The following SOX6 variants were observed in gnomAD, a reference collection of about 807,000 sequenced individuals.
The protein encoded by SOX6 is SRY-box transcription factor 6.
A neutral mutation model predicts 97.8 loss-of-function variants in SOX6; 11 were observed. That is an observed-to-expected ratio of 0.11 (90% CI 0.07 to 0.19). The LOEUF is 0.19. SOX6 is among the 10% of genes least tolerant of loss of function. The pLI, the probability that SOX6 is intolerant of heterozygous loss-of-function variation, is 1.00. For synonymous variants in SOX6, 360 were observed against 371.4 expected (o/e 0.97, Z 0.35); for missense variants, 810 against 1,039.5 (o/e 0.78, Z 3.04).
At chr11:16,296,563 C>T (rs1486743925) in intron 3 of SOX6, among the ~76,000 whole-genome samples, 1 of 152,114 alleles carries the variant, frequency 6.6e-6, no homozygotes, top group East Asian at 1.9e-4. Flanking sequence ...TTATGTGTAG[C>T]TCACTGTTTA....
rs1251556031 is a variant in SOX6 at position 15,968,163 on chromosome 11, A to T, written c.*4646T>A. The T allele has an allele frequency of 6.6e-6, 1 of 152,208 alleles. No individual in the cohort carries two copies. Among genetic ancestry groups the T allele is most frequent in the Non-Finnish European group, 1.5e-5 (1 of 68,040 alleles). 9.4% of individuals were successfully genotyped at this position (152,208 alleles called of 1,614,324 possible). A position where few individuals can be genotyped will look rare whatever the true frequency, so the allele number is the denominator to read the frequency against. On this transcript the variant is annotated 3_prime_UTR_variant, in exon 16 of 16. Coordinates refer to ENST00000683767, the MANE Select transcript of SOX6 (RefSeq NM_001367873.1). ...AGGGAGCAGATGACTTAAGGAAATG[A>T]TGCAAGTGCTTTTGTGAAAGGACAA... is the stretch of plus-strand genomic sequence containing the variant.
At chr11:16,283,089 G>GTATATATATATATATATATATATATATA (rs10581083) in intron 3 of SOX6, among the ~76,000 whole-genome samples, 20 of 113,678 alleles carry the variant, frequency 1.8e-4, no homozygotes, top group Non-Finnish European at 2.3e-4. Flanking sequence ...TATATAATTT[G>GTATATATATATATATATATATATATATA]TATATATATA....
At chr11:16,676,083 C>G (rs1847882290) in intron 3 of SOX6, among the ~76,000 whole-genome samples, 1 of 143,698 alleles carries the variant, frequency 7.0e-6, no homozygotes, top group Non-Finnish European at 1.6e-5. Flanking sequence ...TTCTGAGGCT[C>G]TGCTCATTTT....
intron 1 of SOX6, among the ~76,000 whole-genome samples, chr11:16,369,160 A>G (rs1033363446): frequency 6.6e-6 from 1 of 152,176 alleles, no homozygotes; most frequent in African/African-American, 2.4e-5. Context: ...TAGGCAAAGC[A>G]AATCAAAACA....
chr11:16,581,511 A>C (rs1042705291), intron 4 of SOX6, among the ~76,000 whole-genome samples: 1 of 152,176 alleles, frequency 6.6e-6, no homozygotes, highest in African/African-American at 2.4e-5. Flanking sequence ...CTTAAAACCT[A>C]GATGACAGGT....
At chr11:16,011,336 T>A (rs1424384002) in intron 13 of SOX6, among the ~76,000 whole-genome samples, 1 of 152,084 alleles carries the variant, frequency 6.6e-6, no homozygotes, top group Admixed American at 6.6e-5. Flanking sequence ...AACAAAACCT[T>A]AAACATGTTT....
intron 3 of SOX6, among the ~76,000 whole-genome samples, chr11:16,617,690 TTAGAAA>T (rs1461315910): frequency 1.3e-5 from 2 of 151,858 alleles, no homozygotes; most frequent in East Asian, 3.8e-4. Flanking sequence ...TTCTACCCGT[TTAGAAA>T]TAGAGTACGA....
intron 12 of SOX6, among the ~76,000 whole-genome samples, chr11:16,017,595 A>G: frequency 6.6e-6 from 1 of 152,116 alleles, no homozygotes; most frequent in East Asian, 1.9e-4. Flanking sequence ...CCTGATGTCT[A>G]CAAGTTACGT....
chr11:16,060,830 A>C (rs1847930200), intron 9 of SOX6, among the ~76,000 whole-genome samples: 1 of 151,888 alleles, frequency 6.6e-6, no homozygotes, highest in Non-Finnish European at 1.5e-5. Flanking sequence ...TCAGTATTTT[A>C]AACTTCATGT....
chr11:16,470,499 G>A (rs368281418), intron 1 of SOX6, among the ~76,000 whole-genome samples: 1 of 152,096 alleles, frequency 6.6e-6, no homozygotes, highest in Non-Finnish European at 1.5e-5. Flanking sequence ...ATGACATGTG[G>A]CAATTTTGGA....
At chr11:16,197,930 C>A (rs1851827086) in intron 4 of SOX6, among the ~76,000 whole-genome samples, 1 of 152,172 alleles carries the variant, frequency 6.6e-6, no homozygotes, top group Non-Finnish European at 1.5e-5. Flanking sequence ...TACATTTGTT[C>A]AACCTATAAA....
chr11:16,195,405 G>C (rs1213813465), intron 4 of SOX6, among the ~76,000 whole-genome samples: 1 of 152,144 alleles, frequency 6.6e-6, no homozygotes, highest in Non-Finnish European at 1.5e-5. Context: ...AAAGTTAGGA[G>C]CAATGTTCTG....
intron 3 of SOX6, among the ~76,000 whole-genome samples, chr11:16,281,364 T>C (rs1854557953): frequency 6.6e-6 from 1 of 152,102 alleles, no homozygotes; most frequent in South Asian, 2.1e-4. Context: ...TTTTCGTACA[T>C]TTATTTGAAT....
At chr11:16,105,918 C>T (rs919241292) in intron 7 of SOX6, among the ~76,000 whole-genome samples, 12 of 151,870 alleles carry the variant, frequency 7.9e-5, no homozygotes, top group African/African-American at 2.9e-4. Context: ...CAACGAACAA[C>T]CCAAAAGAAA....
intron 3 of SOX6, among the ~76,000 whole-genome samples, chr11:16,628,737 G>T (rs1848662313): frequency 1.3e-5 from 2 of 152,166 alleles, no homozygotes; most frequent in African/African-American, 4.8e-5. Flanking sequence ...TAACGATATT[G>T]ATTCTTCCAA....
In SOX6 at chr11:15,966,596, G is replaced by A. The variant is rs995716437; in HGVS notation, c.*6213C>T. ...TTATAGACACTCCCCTAAGGGGCCT[G>A]AGCCCCATCACGGCATATACATTAT... On this transcript the variant is annotated 3_prime_UTR_variant, in exon 16 of 16. Coordinates refer to ENST00000683767, the MANE Select transcript of SOX6 (RefSeq NM_001367873.1). The A allele has an allele frequency of 1.3e-5, 2 of 152,170 alleles. No individual in the cohort carries two copies. Among genetic ancestry groups the A allele is most frequent in the African/African-American group, 2.4e-5 (1 of 41,436 alleles). The allele number at this position is 152,170 out of a possible 1,614,324, so 9.4% of individuals were successfully genotyped here.
intron 4 of SOX6, among the ~76,000 whole-genome samples, chr11:16,558,560 G>C (rs1847774434): frequency 6.6e-6 from 1 of 151,984 alleles, no homozygotes; most frequent in African/African-American, 2.4e-5. Flanking sequence ...TTTACCCAAA[G>C]CAGAAACTTA....
intron 4 of SOX6, among the ~76,000 whole-genome samples, chr11:16,573,282 A>C (rs1175899405): frequency 6.6e-6 from 1 of 152,206 alleles, no homozygotes; most frequent in East Asian, 1.9e-4. Flanking sequence ...CTTCATTTAA[A>C]TGTGCCAATC....
At chr11:16,507,342 A>G (rs139170590) in intron 4 of SOX6, among the ~76,000 whole-genome samples, 309 of 152,310 alleles carry the variant, frequency 2.0e-3, no homozygotes, top group African/African-American at 7.0e-3. Context: ...TACTAACCAA[A>G]GCAACCTGTA....
Sources: allele counts gnomAD v4.1 joint callset (sites outside exome capture counted in the v4.1 genomes callset), GRCh38; gene constraint gnomAD v4.1.1; transcripts MANE v1.5; gene names NCBI Gene and HGNC (gene_info 2026-07-23, HGNC 2026-07-21).